Variants in RPGRIP1L observed in about 807,000 individuals in gnomAD.
The protein encoded by RPGRIP1L is protein fantom.
In RPGRIP1L, 131 loss-of-function variants were observed where a neutral mutation model predicts 160.4. The observed-to-expected ratio is 0.82, with a 90% CI of 0.71 to 0.94. The LOEUF is 0.94. Among genes scored for constraint, RPGRIP1L ranks in the 40% least tolerant of loss-of-function variants. The pLI is 0.00. For missense variants in RPGRIP1L, 1,522 were observed against 1,535.8 expected, an observed-to-expected ratio of 0.99 and a Z score of 0.15; for synonymous variants, 510 against 515.8, an observed-to-expected ratio of 0.99 and a Z score of 0.15.
chr16:53,696,338 T>C (rs771384191), intron 2 of RPGRIP1L, 43 bp from the exon 3 acceptor site: 34 of 1,601,334 alleles, frequency 2.1e-5, no homozygotes, highest in South Asian at 1.7e-4. Flanking sequence ...TTACTTAAAA[T>C]AGTCTCTAGA....
chr16:53,692,296 T>G lies in RPGRIP1L; in HGVS notation c.299A>C (p.Lys100Thr). Residue 100 changes from lysine to threonine, a missense_variant, in exon 4 of 27, where the codon AAG becomes ACG. Coordinates refer to ENST00000647211, the MANE Select transcript of RPGRIP1L (RefSeq NM_015272.5). ...CATTTCCACATCTCGTCCCAGCCGC[T>G]TGGGGCCGCCACCAACCCGCTCATA... ...KRYERVGGGP[K>T]RLGRDVEMEE... 1 of 1,614,158 alleles carries G rather than the reference T, an allele frequency of 6.2e-7. No homozygotes were observed.
chr16:53,686,084 T>C (rs1486093254), intron 6 of RPGRIP1L, among the ~76,000 whole-genome samples: 1 of 152,180 alleles, frequency 6.6e-6, no homozygotes, highest in African/African-American at 2.4e-5. Flanking sequence ...ATGTACAAGA[T>C]ATGCCAACAG....
chr16:53,682,323 C>T (rs1212841488), intron 6 of RPGRIP1L, among the ~76,000 whole-genome samples: 2 of 152,168 alleles, frequency 1.3e-5, no homozygotes, highest in South Asian at 2.1e-4. Flanking sequence ...CAAAAATAGA[C>T]TGCTACAGAG....
chr16:53,613,535 T>C (rs1473247079), intron 24 of RPGRIP1L, among the ~76,000 whole-genome samples: 1 of 152,184 alleles, frequency 6.6e-6, no homozygotes, highest in Non-Finnish European at 1.5e-5. Context: ...CAGGCTGATC[T>C]TGAACTCCTG....
chr16:53,630,046 TTG>T (rs534679029), intron 22 of RPGRIP1L, among the ~76,000 whole-genome samples: 1 of 151,932 alleles, frequency 6.6e-6, no homozygotes, highest in African/African-American at 2.4e-5. Flanking sequence ...TGTATTTCTT[TTG>T]TGTGTGTGTG....
intron 10 of RPGRIP1L, among the ~76,000 whole-genome samples, chr16:53,662,940 TAC>T (rs1295271467): frequency 6.6e-6 from 1 of 152,118 alleles, no homozygotes; most frequent in Non-Finnish European, 1.5e-5. Context: ...CCATGGTACA[TAC>T]ACACACTGGA....
intron 17 of RPGRIP1L, among the ~76,000 whole-genome samples, chr16:53,644,649 GAAGT>G (rs1966433658): frequency 1.3e-5 from 2 of 152,206 alleles, no homozygotes; most frequent in South Asian, 4.1e-4. Flanking sequence ...ATGGATGCCA[GAAGT>G]AAGTGGTCTG....
At chr16:53,607,917 T>G in intron 25 of RPGRIP1L, 1 of 912,526 alleles carries the variant, frequency 1.1e-6, no homozygotes, top group Non-Finnish European at 1.3e-6. Context: ...ATCTTTTATC[T>G]TACTTTCAAC....
intron 1 of RPGRIP1L, among the ~76,000 whole-genome samples, chr16:53,701,388 T>C (rs1971383112): frequency 6.6e-6 from 1 of 151,854 alleles, no homozygotes; most frequent in East Asian, 1.9e-4. Context: ...GAGGCCTAGG[T>C]CTCACCCAGG....
At chr16:53,619,662 G>A (rs1260288421) in intron 23 of RPGRIP1L, among the ~76,000 whole-genome samples, 2 of 152,180 alleles carry the variant, frequency 1.3e-5, no homozygotes, top group African/African-American at 4.8e-5. Context: ...TAGGTATTAT[G>A]CTAATATATG....
At chr16:53,683,665 T>C (rs931977629) in intron 6 of RPGRIP1L, among the ~76,000 whole-genome samples, 4 of 150,778 alleles carry the variant, frequency 2.7e-5, no homozygotes, top group Admixed American at 6.6e-5. Context: ...CAATATACTA[T>C]TCTCTACTTT....
At chr16:53,667,469 G>A (rs560421398) in intron 9 of RPGRIP1L, among the ~76,000 whole-genome samples, 5 of 152,310 alleles carry the variant, frequency 3.3e-5, no homozygotes, top group East Asian at 3.9e-4. Context: ...TGGGTACAGC[G>A]GCTCATGCCT....
Position 53,652,603 on chromosome 16 carries a change from G to T in RPGRIP1L, c.2084C>A (p.Ala695Glu), listed in dbSNP as rs749960302. 4.3e-6 allele frequency: 7 copies of T among 1,613,786 alleles called. No individual in the cohort carries two copies. The South Asian group carries it at 7.7e-5, about 18-fold the overall frequency. Reference protein sequence around the residue: ...AYSTEYETIAACQLKFHEILE... With the variant: ...AYSTEYETIAECQLKFHEILE... ...AATTTCGTGAAATTTTAATTGACAT[G>T]CTGCAATTGTTTCATATTCTGTGCT... The change falls in exon 15 of 27, where the codon GCA (alanine) becomes GAA (glutamate). Residue 695 changes from alanine to glutamate, a missense_variant. Ala to Glu is a moderately radical substitution (Grantham distance 107, BLOSUM62 -1). Coordinates refer to ENST00000647211, the MANE Select transcript of RPGRIP1L (RefSeq NM_015272.5).
intron 14 of RPGRIP1L, 21 bp from the exon 15 acceptor site, chr16:53,653,008 T>G: frequency 6.3e-7 from 1 of 1,583,624 alleles, no homozygotes; most frequent in South Asian, 1.1e-5. Flanking sequence ...AGACACACAG[T>G]TTAGAGATTT....
chr16:53,688,732 C>A (rs965080922), intron 4 of RPGRIP1L, among the ~76,000 whole-genome samples: 1 of 151,776 alleles, frequency 6.6e-6, no homozygotes, highest in Non-Finnish European at 1.5e-5. Context: ...ACTTTTTAAA[C>A]GTGAGATTTC....
intron 22 of RPGRIP1L, among the ~76,000 whole-genome samples, chr16:53,626,708 G>GAA (rs1965203466): frequency 1.3e-5 from 2 of 151,824 alleles, no homozygotes; most frequent in East Asian, 3.9e-4. Flanking sequence ...GGGAGGCTGA[G>GAA]GCAGGAGAAT....
intron 22 of RPGRIP1L, among the ~76,000 whole-genome samples, chr16:53,625,745 GTGTC>G (rs1700385968): frequency 6.6e-6 from 1 of 152,202 alleles, no homozygotes; most frequent in South Asian, 2.1e-4. Context: ...GATTGTTACT[GTGTC>G]TGTGCAGAAA....
In RPGRIP1L at chr16:53,605,597, A is replaced by G. The variant is rs201248643; in HGVS notation, c.3719T>C (p.Val1240Ala). ...MPNRSLRFTVVSDPPEDEQDL... is the reference protein window; with the variant it reads ...MPNRSLRFTVASDPPEDEQDL... ...CTGCTCGTCCTCTGGAGGGTCACTG[A>G]CCACGGTGAAGCGAAGGCTGGTAAG... is the stretch of plus-strand genomic sequence containing the variant. The change falls in exon 26 of 27, where the codon GTC (valine) becomes GCC (alanine). Residue 1240 changes from valine to alanine, a missense_variant. Physicochemically the swap from Val to Ala is moderately conservative, Grantham distance 64. Coordinates refer to ENST00000647211, the MANE Select transcript of RPGRIP1L (RefSeq NM_015272.5). 3.5e-4 allele frequency: 558 copies of G among 1,614,004 alleles called. No homozygotes were observed. Among genetic ancestry groups the G allele is most frequent in the Non-Finnish European group, 4.4e-4 (520 of 1,180,030 alleles).
intron 6 of RPGRIP1L, 141 bp downstream of exon 6, chr16:53,686,292 C>T (rs956443159): frequency 1.5e-5 from 14 of 921,224 alleles, no homozygotes; most frequent in Non-Finnish European, 1.8e-5. Context: ...GTTAGTAGGT[C>T]GAGCATAGGC....
Sources: allele counts gnomAD v4.1 joint callset (sites outside exome capture counted in the v4.1 genomes callset), GRCh38; gene constraint gnomAD v4.1.1; transcripts MANE v1.5; gene names NCBI Gene and HGNC (gene_info 2026-07-23, HGNC 2026-07-21).